CNBD1: variants seen among roughly 807,000 people sequenced by gnomAD.
CNBD1 encodes cyclic nucleotide binding domain containing 1, also known as cyclic nucleotide-binding domain-containing protein 1.
Under a neutral mutation model 54.4 loss-of-function variants are expected in CNBD1, and 71 were observed. The observed-to-expected ratio is 1.30, with a 90% confidence interval of 1.08 to 1.59. The LOEUF is 1.59. CNBD1 is among the 40% of genes most tolerant of loss of function. The probability of loss-of-function intolerance (pLI) is 0.00; values close to 1 mark genes in which losing one functional copy is unlikely to be tolerated. For missense variants in CNBD1, 659 were observed against 518.0 expected, an observed-to-expected ratio of 1.27 and a Z score of -2.64; for synonymous variants, 182 against 170.7, an observed-to-expected ratio of 1.07 and a Z score of -0.51.
Position 87,371,832 on chromosome 8 carries a change from A to G in CNBD1, c.1304-10788A>G, listed in dbSNP as rs554799858. ...TCAATAAATTAGGTATTGACAGGAC[A>G]TATCTCAAAATAATAAGAGCTATCT... On this transcript the variant is annotated intron_variant, in intron 10 of 10. Transcript: ENST00000518476. 3.5e-3 allele frequency among the ~76,000 whole-genome samples: 526 copies of G among 151,944 alleles called. 6 individuals carry two copies. The highest frequency in any genetic ancestry group is 0.012 in the African/African-American group (486 of 41,372).
chr8:87,153,750 C>T (rs892939199), intron 4 of CNBD1, among the ~76,000 whole-genome samples: 3 of 152,168 alleles, frequency 2.0e-5, no homozygotes, highest in Non-Finnish European at 4.4e-5. Context: ...GATGTGGCTT[C>T]TGCACTTACA....
intron 4 of CNBD1, among the ~76,000 whole-genome samples, chr8:87,167,543 T>G (rs1221217313): frequency 6.6e-6 from 1 of 151,884 alleles, no homozygotes; most frequent in Non-Finnish European, 1.5e-5. Flanking sequence ...ATAGACAGAA[T>G]TTTTATGACA....
At chr8:87,030,184 A>G (rs1312638423) in intron 4 of CNBD1, among the ~76,000 whole-genome samples, 1 of 152,200 alleles carries the variant, frequency 6.6e-6, no homozygotes, top group Middle Eastern at 3.2e-3. Context: ...TATGGCTGCT[A>G]GATTTAATAG....
chr8:87,128,056 G>C (rs754659943), intron 4 of CNBD1, among the ~76,000 whole-genome samples: 1 of 152,128 alleles, frequency 6.6e-6, no homozygotes, highest in Admixed American at 6.5e-5. Flanking sequence ...GAGGAGTTTG[G>C]CTGGGGATAG....
chr8:86,931,601 T>C (rs182454311), intron 3 of CNBD1, among the ~76,000 whole-genome samples: 3 of 152,314 alleles, frequency 2.0e-5, no homozygotes, highest in African/African-American at 7.2e-5. Context: ...TGACTAAGGC[T>C]GTGGCCTTTC....
At chr8:87,349,561 A>G (rs1810241895) in intron 8 of CNBD1, among the ~76,000 whole-genome samples, 1 of 152,182 alleles carries the variant, frequency 6.6e-6, no homozygotes, top group Admixed American at 6.5e-5. Flanking sequence ...TTTTTAGTAG[A>G]GACGAGGTTT....
intron 8 of CNBD1, 22 bp from the exon 9 acceptor site, chr8:87,351,663 G>C (rs1277607844): frequency 6.8e-7 from 1 of 1,463,610 alleles, no homozygotes; most frequent in South Asian, 1.4e-5. Context: ...TGTGTGAAAT[G>C]AACTATCTCT....
intron 5 of CNBD1, 68 bp from the exon 6 acceptor site, chr8:87,236,851 A>G: frequency 4.7e-6 from 4 of 855,884 alleles, no homozygotes; most frequent in East Asian, 2.5e-5. Flanking sequence ...TGTAATATAT[A>G]TATTAGTCAT....
chr8:87,049,317 G>A (rs1255954830), intron 4 of CNBD1, among the ~76,000 whole-genome samples: 3 of 152,192 alleles, frequency 2.0e-5, no homozygotes, highest in African/African-American at 7.2e-5. Flanking sequence ...TCCATTAACA[G>A]TGAGGAGGTG....
At chr8:87,244,335 G>A (rs2130832868) in intron 6 of CNBD1, among the ~76,000 whole-genome samples, 1 of 152,232 alleles carries the variant, frequency 6.6e-6, no homozygotes, top group Non-Finnish European at 1.5e-5. Flanking sequence ...GAATAGAATA[G>A]GAGGCAGGTT....
intron 4 of CNBD1, among the ~76,000 whole-genome samples, chr8:87,119,711 A>T (rs555519665): frequency 2.6e-5 from 4 of 152,132 alleles, no homozygotes; most frequent in African/African-American, 9.6e-5. Flanking sequence ...GATGTTAGCT[A>T]TAGATTTGTC....
At chr8:87,358,341 C>T (rs1810460647) in intron 10 of CNBD1, among the ~76,000 whole-genome samples, 1 of 152,082 alleles carries the variant, frequency 6.6e-6, no homozygotes, top group Non-Finnish European at 1.5e-5. Context: ...TTATTTTCTT[C>T]TGTGACATTC....
intron 2 of CNBD1, among the ~76,000 whole-genome samples, chr8:86,889,417 A>AATTGAGAGGC (rs1808731723): frequency 6.6e-6 from 1 of 152,168 alleles, no homozygotes; most frequent in African/African-American, 2.4e-5. Flanking sequence ...CAATTTAGGA[A>AATTGAGAGGC]AAATGTATTT....
chr8:87,327,347 C>T (rs13274733), intron 8 of CNBD1, among the ~76,000 whole-genome samples: 40 of 145,778 alleles, frequency 2.7e-4, no homozygotes, highest in Admixed American at 7.5e-4. Context: ...TCGAGCTTCC[C>T]GGCTGCTTTG....
At chr8:87,396,686 T>C (rs7842573) in intron 2 of CNBD1, among the ~76,000 whole-genome samples, 32,894 of 151,668 alleles carry the variant, frequency 0.22, 4,413 homozygotes, top group African/African-American at 0.38. Context: ...TGTCCCTTTT[T>C]AATCAATTCA....
chr8:87,341,690 C>T (rs188077895), intron 8 of CNBD1, among the ~76,000 whole-genome samples: 2 of 152,316 alleles, frequency 1.3e-5, no homozygotes, highest in East Asian at 1.9e-4. Context: ...TTTCCTTTTG[C>T]TCTGATCTCT....
chr8:87,135,938 A>G (rs911081787), intron 4 of CNBD1, among the ~76,000 whole-genome samples: 5 of 152,122 alleles, frequency 3.3e-5, no homozygotes, highest in African/African-American at 1.2e-4. Context: ...CTAACAATCA[A>G]TCAATTAAAG....
chr8:87,311,363 A>C (rs1809260110), intron 8 of CNBD1, among the ~76,000 whole-genome samples: 1 of 152,108 alleles, frequency 6.6e-6, no homozygotes, highest in South Asian at 2.1e-4. Context: ...AACATCACTA[A>C]TTATCAGAGA....
intron 5 of CNBD1, among the ~76,000 whole-genome samples, chr8:87,229,640 T>C (rs1199780480): frequency 6.6e-6 from 1 of 152,174 alleles, no homozygotes; most frequent in Non-Finnish European, 1.5e-5. Context: ...ATTTTATACT[T>C]TTCTCTGAAC....
Sources: gnomAD v4.1 joint callset for allele counts (sites outside exome capture counted in the v4.1 genomes callset) on GRCh38, gnomAD v4.1.1 for gene constraint, MANE v1.5 for transcripts, NCBI Gene and HGNC (gene_info 2026-07-23, HGNC 2026-07-21) for gene names.